Variants in SYNPR observed in about 807,000 individuals in gnomAD.
The protein encoded by SYNPR is synaptoporin.
A neutral mutation model predicts 32.9 loss-of-function variants in SYNPR; 23 were observed. The observed-to-expected ratio is 0.70, with a 90% confidence interval of 0.50 to 0.99. SYNPR has a LOEUF of 0.99. SYNPR is among the 50% of genes least tolerant of loss of function. The probability of loss-of-function intolerance (pLI) is 0.00; values close to 1 mark genes in which losing one functional copy is unlikely to be tolerated. For synonymous variants in SYNPR, 146 were observed against 135.9 expected, an observed-to-expected ratio of 1.07 and a Z score of -0.52; for missense variants, 318 against 349.3, an observed-to-expected ratio of 0.91 and a Z score of 0.71.
At chr3:63,292,478 G>A (rs1174819409) in intron 2 of SYNPR, among the ~76,000 whole-genome samples, 2 of 152,096 alleles carry the variant, frequency 1.3e-5, no homozygotes, top group Non-Finnish European at 2.9e-5. Flanking sequence ...TTCTCATTTA[G>A]TAATAGAAAA....
At chr3:63,395,068 C>G (rs1313244892) in intron 2 of SYNPR, among the ~76,000 whole-genome samples, 1 of 152,134 alleles carries the variant, frequency 6.6e-6, no homozygotes, top group Non-Finnish European at 1.5e-5. Context: ...AGCCCTAAAA[C>G]AGACTTACTT....
intron 2 of SYNPR, among the ~76,000 whole-genome samples, chr3:63,425,930 G>A (rs1699884447): frequency 6.6e-6 from 1 of 151,926 alleles, no homozygotes; most frequent in South Asian, 2.1e-4. Context: ...TTACAGGCAT[G>A]CGCCACCACG....
intron 2 of SYNPR, among the ~76,000 whole-genome samples, chr3:63,331,059 TAGATGAGGGTC>T (rs1479253079): frequency 1.3e-5 from 2 of 152,170 alleles, no homozygotes; most frequent in Non-Finnish European, 2.9e-5. Flanking sequence ...GGTATTGGCC[TAGATGAGGGTC>T]AGAAAATACA....
the SYNPR span, among the ~76,000 whole-genome samples, chr3:63,209,315 C>CAAAA: frequency 0.013 from 1,345 of 102,396 alleles, 57 homozygotes; most frequent in Non-Finnish European, 0.017. Flanking sequence ...GACTCCGTCT[C>CAAAA]AAAAAAAAAA....
At chr3:63,610,286 A>G (rs1700181481) in intron 5 of SYNPR, among the ~76,000 whole-genome samples, 1 of 152,226 alleles carries the variant, frequency 6.6e-6, no homozygotes, top group Non-Finnish European at 1.5e-5. Context: ...TTTTTAATTT[A>G]TAAGTGTAAG....
At chr3:63,458,515 T>A (rs1331398959) in intron 2 of SYNPR, among the ~76,000 whole-genome samples, 2 of 152,124 alleles carry the variant, frequency 1.3e-5, no homozygotes, top group Non-Finnish European at 2.9e-5. Flanking sequence ...CCTGGGCTTG[T>A]TCTCATGGCA....
At chr3:63,323,647 A>G (rs989482311) in intron 2 of SYNPR, among the ~76,000 whole-genome samples, 1 of 152,128 alleles carries the variant, frequency 6.6e-6, no homozygotes, top group Non-Finnish European at 1.5e-5. Flanking sequence ...TAGGACCTGG[A>G]GAATTACAAA....
At chr3:63,408,311 GGAAGGAAGGAAAGAAAGAAAGAAAGAAA>G (rs1224043437) in intron 2 of SYNPR, among the ~76,000 whole-genome samples, 1 of 72,312 alleles carries the variant, frequency 1.4e-5, no homozygotes, top group African/African-American at 8.8e-5. Context: ...AAGGAAGGAA[GGAAGGAAGGAAAGAAAGAAAGAAAGAAA>G]GAAAGAAAGA....
chr3:63,524,286 C>T (rs1192689873), intron 3 of SYNPR, among the ~76,000 whole-genome samples: 1 of 152,076 alleles, frequency 6.6e-6, no homozygotes, highest in African/African-American at 2.4e-5. Context: ...ATACTGTACT[C>T]AATGATGTCT....
At chr3:63,401,198 G>A (rs2088285572) in intron 2 of SYNPR, among the ~76,000 whole-genome samples, 1 of 152,178 alleles carries the variant, frequency 6.6e-6, no homozygotes, top group South Asian at 2.1e-4. Flanking sequence ...TCTGCAGGCA[G>A]ATTGGTGGCG....
At chr3:63,441,708 G>C (rs1175624660) in intron 2 of SYNPR, among the ~76,000 whole-genome samples, 2 of 152,258 alleles carry the variant, frequency 1.3e-5, no homozygotes, top group Admixed American at 6.5e-5. Flanking sequence ...GGAGGAAAAG[G>C]TTCCTATCAG....
rs140510942 is a variant in SYNPR at position 63,508,667 on chromosome 3, C to A, written c.209+27711C>A. On this transcript the variant is annotated intron_variant, in intron 3 of 5. Transcript: ENST00000478300. ...GTAATATGACTGGCCTGGTTAGGGT[C>A]ATGTTACCTCTTTGTGACCAATCAC... is the stretch of plus-strand genomic sequence containing the variant. Among the ~76,000 whole-genome samples, 54 of 152,244 alleles carry A rather than the reference C, an allele frequency of 3.5e-4. 2 individuals are homozygous for A. Among genetic ancestry groups the A allele is most frequent in the African/African-American group, 1.2e-3 (49 of 41,562 alleles).
At chr3:63,304,425 C>CT (rs1575592029) in intron 2 of SYNPR, among the ~76,000 whole-genome samples, 2 of 151,740 alleles carry the variant, frequency 1.3e-5, no homozygotes, top group East Asian at 3.9e-4. Flanking sequence ...TATTTTTCCT[C>CT]TTTTAACAAT....
chr3:63,455,582 G>A (rs1700467037), intron 2 of SYNPR, among the ~76,000 whole-genome samples: 1 of 152,134 alleles, frequency 6.6e-6, no homozygotes, highest in Non-Finnish European at 1.5e-5. Context: ...AGCTAAAGTG[G>A]TAGTACAAAT....
At chr3:63,390,555 G>A (rs1026212211) in intron 2 of SYNPR, among the ~76,000 whole-genome samples, 1 of 152,188 alleles carries the variant, frequency 6.6e-6, no homozygotes, top group African/African-American at 2.4e-5. Context: ...AGACGAAATA[G>A]AGCCCGTTGT....
At chr3:63,339,454 T>C (rs536139901) in intron 2 of SYNPR, among the ~76,000 whole-genome samples, 1 of 152,344 alleles carries the variant, frequency 6.6e-6, no homozygotes, top group African/African-American at 2.4e-5. Flanking sequence ...CTGATGTTAA[T>C]GTCTTGGGAA....
intron 4 of SYNPR, among the ~76,000 whole-genome samples, chr3:63,586,741 A>G (rs1041006898): frequency 6.6e-6 from 1 of 151,364 alleles, no homozygotes; most frequent in African/African-American, 2.4e-5. Flanking sequence ...AACAGCAGAT[A>G]TCTGGCTAGG....
At chr3:63,517,279 G>A (rs1701817857) in intron 3 of SYNPR, among the ~76,000 whole-genome samples, 1 of 152,064 alleles carries the variant, frequency 6.6e-6, no homozygotes, top group African/African-American at 2.4e-5. Flanking sequence ...TGTATAATGG[G>A]GAGATACTAA....
At chr3:63,414,901 G>A (rs2088519822) in intron 2 of SYNPR, among the ~76,000 whole-genome samples, 1 of 152,044 alleles carries the variant, frequency 6.6e-6, no homozygotes, top group Non-Finnish European at 1.5e-5. Context: ...ATGGTCATTT[G>A]TATACTTTCG....
Sources: allele counts gnomAD v4.1 joint callset (sites outside exome capture counted in the v4.1 genomes callset), GRCh38; gene constraint gnomAD v4.1.1; transcripts MANE v1.5; gene names NCBI Gene and HGNC (gene_info 2026-07-23, HGNC 2026-07-21).